The following FAM193A variants were observed in gnomAD, a reference collection of about 807,000 sequenced individuals.
The protein encoded by FAM193A is protein FAM193A.
A neutral mutation model predicts 126.5 loss-of-function variants in FAM193A; 22 were observed. The ratio of observed to expected loss-of-function variants is 0.17; its 90% confidence interval spans 0.12 to 0.25. The LOEUF (loss-of-function observed/expected upper bound fraction) is 0.25, where lower values mean the gene tolerates loss of function less well. Among genes scored for constraint, FAM193A ranks in the 10% least tolerant of loss-of-function variants. FAM193A has a pLI of 1.00. For missense variants in FAM193A, 1,675 were observed against 1,672.8 expected (o/e 1.00, Z -0.02); for synonymous variants, 761 against 646.8 (o/e 1.18, Z -2.68).
At chr4:2,689,825 T>C (rs1716156166) in intron 14 of FAM193A, 121 bp downstream of exon 14, 3 of 658,060 alleles carry the variant, frequency 4.6e-6, no homozygotes, top group Non-Finnish European at 7.6e-6. Context: ...CCACCACCTC[T>C]GTCTCCAGTG....
chr4:2,582,967 T>G (rs1224638351), intron 1 of FAM193A, among the ~76,000 whole-genome samples: 1 of 152,140 alleles, frequency 6.6e-6, no homozygotes, highest in Non-Finnish European at 1.5e-5. Context: ...GGCTCAGTTT[T>G]TTGTTGTTGT....
At chr4:2,657,145 G>C (rs1054619776) in intron 7 of FAM193A, among the ~76,000 whole-genome samples, 4 of 152,182 alleles carry the variant, frequency 2.6e-5, no homozygotes, top group African/African-American at 9.7e-5. Context: ...TCCAGCTTGG[G>C]TGATATAGCG....
At chr4:2,550,025 C>CTTTTT (rs35806343) in intron 1 of FAM193A, among the ~76,000 whole-genome samples, 1 of 132,176 alleles carries the variant, frequency 7.6e-6, no homozygotes, top group African/African-American at 2.8e-5. Context: ...CCGCACCTGG[C>CTTTTT]TTTTTTTTTT....
At chr4:2,557,971 C>T (rs1279288954) in intron 1 of FAM193A, among the ~76,000 whole-genome samples, 4 of 151,774 alleles carry the variant, frequency 2.6e-5, no homozygotes, top group East Asian at 1.9e-4. Context: ...AAAAGTTAAC[C>T]ATTTAATAGT....
intron 1 of FAM193A, among the ~76,000 whole-genome samples, chr4:2,558,623 C>T (rs1194465479): frequency 6.6e-6 from 1 of 152,178 alleles, no homozygotes; most frequent in African/African-American, 2.4e-5. Flanking sequence ...TCAAGCAATC[C>T]TCCTGCCTTA....
chr4:2,577,400 CAATT>C (rs1331255620), intron 1 of FAM193A, among the ~76,000 whole-genome samples: 5 of 125,358 alleles, frequency 4.0e-5, no homozygotes, highest in Admixed American at 1.5e-4. Context: ...TCTATTCACT[CAATT>C]AAAGTGGTTT....
intron 1 of FAM193A, among the ~76,000 whole-genome samples, chr4:2,566,269 G>A (rs774953249): frequency 9.2e-5 from 14 of 152,056 alleles, no homozygotes; most frequent in South Asian, 2.1e-4. Context: ...GCATGGTCTC[G>A]ATCTTCTGAC....
intron 1 of FAM193A, among the ~76,000 whole-genome samples, chr4:2,551,035 C>T (rs1386274385): frequency 1.3e-5 from 2 of 151,892 alleles, no homozygotes; most frequent in African/African-American, 4.8e-5. Flanking sequence ...CTCTTGACCT[C>T]GTGATCCGCC....
At chr4:2,625,520 G>C in intron 3 of FAM193A, 125 bp downstream of exon 3, 1 of 515,648 alleles carries the variant, frequency 1.9e-6, no homozygotes, top group South Asian at 2.8e-5. Context: ...CAGTTGCTTC[G>C]CTATTGAGAG....
At chr4:2,623,839 T>A (rs1464151687) in intron 2 of FAM193A, among the ~76,000 whole-genome samples, 1 of 152,158 alleles carries the variant, frequency 6.6e-6, no homozygotes, top group Non-Finnish European at 1.5e-5. Context: ...GTGAATTCCT[T>A]TCTGGAAGTC....
chr4:2,712,207 T>C (rs1719055944), intron 19 of FAM193A, among the ~76,000 whole-genome samples: 1 of 152,216 alleles, frequency 6.6e-6, no homozygotes, highest in Non-Finnish European at 1.5e-5. Context: ...TGTATATATA[T>C]GTACGTATGT....
At chr4:2,617,061 A>G (rs1347688794) in intron 2 of FAM193A, among the ~76,000 whole-genome samples, 1 of 140,842 alleles carries the variant, frequency 7.1e-6, no homozygotes, top group East Asian at 2.2e-4. Flanking sequence ...CCAGCTACTC[A>G]GGAGGCTGAG....
At chr4:2,572,344 A>AT (rs368356143) in intron 1 of FAM193A, among the ~76,000 whole-genome samples, 1 of 151,034 alleles carries the variant, frequency 6.6e-6, no homozygotes, top group Non-Finnish European at 1.5e-5. Flanking sequence ...AAAAAAAAAA[A>AT]GTCCAAGGTA....
At chr4:2,610,522 T>A (rs548811869) in intron 2 of FAM193A, among the ~76,000 whole-genome samples, 1 of 152,386 alleles carries the variant, frequency 6.6e-6, no homozygotes, top group African/African-American at 2.4e-5. Context: ...TACAGAAAGA[T>A]AAGCTGAGTG....
chr4:2,681,804 T>G (rs1197345245), intron 13 of FAM193A, among the ~76,000 whole-genome samples: 1 of 152,084 alleles, frequency 6.6e-6, no homozygotes, highest in Non-Finnish European at 1.5e-5. Flanking sequence ...TTTTTTGATG[T>G]GTTTGTAGCT....
intron 20 of FAM193A, among the ~76,000 whole-genome samples, chr4:2,725,908 T>C (rs1156665612): frequency 6.6e-6 from 1 of 151,656 alleles, no homozygotes; most frequent in Admixed American, 6.6e-5. Flanking sequence ...TTTATTATTA[T>C]TATTTTTTGA....
intron 1 of FAM193A, among the ~76,000 whole-genome samples, chr4:2,594,106 C>T (rs1299166734): frequency 1.3e-5 from 2 of 152,142 alleles, no homozygotes; most frequent in Admixed American, 1.3e-4. Context: ...GTTTTGATCA[C>T]TGGTTCATGG....
rs919061191 is a variant in FAM193A at position 2,700,501 on chromosome 4, GAAA to G, written c.4332_4334del (p.Lys1444del). On this transcript the variant is annotated inframe_deletion, in exon 19 of 21. Coordinates refer to ENST00000637812, the MANE Select transcript of FAM193A (RefSeq NM_001366318.2). ...CCCCTCAGCCAAAGGGCAAGAACAA[GAAA>G]AATAAGAAGAAGAAAGGAGACAGAG... 1 of 1,612,548 alleles carries G rather than the reference GAAA, an allele frequency of 6.2e-7. No homozygotes were observed. Among genetic ancestry groups the G allele is most frequent in the Admixed American group, 1.7e-5 (1 of 59,506 alleles).
At chr4:2,721,444 C>T (rs935378299) in intron 20 of FAM193A, among the ~76,000 whole-genome samples, 3 of 151,874 alleles carry the variant, frequency 2.0e-5, no homozygotes, top group East Asian at 1.9e-4. Context: ...GCTATGCTTA[C>T]GCCACCTCAC....
Sources: gnomAD v4.1 joint callset for allele counts (sites outside exome capture counted in the v4.1 genomes callset) on GRCh38, gnomAD v4.1.1 for gene constraint, MANE v1.5 for transcripts, NCBI Gene and HGNC (gene_info 2026-07-23, HGNC 2026-07-21) for gene names.